The following VTA1 variants were observed in gnomAD, a reference collection of about 807,000 sequenced individuals.
The protein encoded by VTA1 is vesicle trafficking 1.
In VTA1, 24 loss-of-function variants were observed where a neutral mutation model predicts 36.9. The observed-to-expected ratio is 0.65, with a 90% CI of 0.47 to 0.91. The LOEUF (loss-of-function observed/expected upper bound fraction) is 0.91, where lower values mean the gene tolerates loss of function less well. Among genes scored for constraint, VTA1 ranks in the 40% least tolerant of loss-of-function variants. The pLI is 0.00. For synonymous variants in VTA1, 142 were observed against 130.2 expected, an observed-to-expected ratio of 1.09 and a Z score of -0.62; for missense variants, 393 against 377.2, an observed-to-expected ratio of 1.04 and a Z score of -0.35.
chr6:142,209,613 C>CA (rs1301415571), intron 7 of VTA1, among the ~76,000 whole-genome samples: 1 of 137,446 alleles, frequency 7.3e-6, no homozygotes, highest in Non-Finnish European at 1.6e-5. Flanking sequence ...AAATGTAATA[C>CA]AAAAAATACA....
chr6:142,164,139 A>G (rs139054567), intron 1 of VTA1, among the ~76,000 whole-genome samples: 14 of 152,284 alleles, frequency 9.2e-5, no homozygotes, highest in African/African-American at 3.4e-4. Flanking sequence ...AAGAGAAAAG[A>G]TACCTAATAT....
chr6:142,185,078 C>T (rs1775313704), intron 4 of VTA1, among the ~76,000 whole-genome samples: 1 of 152,032 alleles, frequency 6.6e-6, no homozygotes, highest in African/African-American at 2.4e-5. Context: ...TTATTGCTTC[C>T]ATTTTTTCAC....
At position 142,220,852 on chromosome 6, in the gene VTA1, C is replaced by T. The variant is rs976441504; in HGVS notation, c.*2209C>T. 3 of 151,846 alleles carry T rather than the reference C, an allele frequency of 2.0e-5. No homozygotes were observed. Among genetic ancestry groups the T allele is most frequent in the Non-Finnish European group, 4.4e-5 (3 of 67,986 alleles). The allele number at this position is 151,846 out of a possible 1,614,324, so 9.4% of individuals were successfully genotyped here. A position where few individuals can be genotyped will look rare whatever the true frequency, so the allele number is the denominator to read the frequency against. On this transcript the variant is annotated 3_prime_UTR_variant, in exon 8 of 8. Transcript: ENST00000367630. ...TGGCTACTATATGCCTGGTATTGTT[C>T]TTTGAAAGCAGAAACAGCAGGAAAA... is the stretch of plus-strand genomic sequence containing the variant.
chr6:142,163,402 A>T (rs1348644489), intron 1 of VTA1, among the ~76,000 whole-genome samples: 1 of 152,166 alleles, frequency 6.6e-6, no homozygotes, highest in Non-Finnish European at 1.5e-5. Context: ...TGGGAATATA[A>T]TATTAGTCTT....
chr6:142,148,993 A>G (rs1391289275), intron 1 of VTA1, among the ~76,000 whole-genome samples: 1 of 152,190 alleles, frequency 6.6e-6, no homozygotes, highest in Non-Finnish European at 1.5e-5. Context: ...TCCCTGTATC[A>G]TGTATCTTTG....
intron 2 of VTA1, among the ~76,000 whole-genome samples, chr6:142,168,811 G>T (rs925092672): frequency 1.3e-5 from 2 of 149,956 alleles, no homozygotes; most frequent in African/African-American, 4.9e-5. Context: ...CATTCGCCCA[G>T]GCTGGAGTGC....
chr6:142,186,399 T>A (rs1343213998), intron 4 of VTA1, among the ~76,000 whole-genome samples: 2 of 152,068 alleles, frequency 1.3e-5, no homozygotes, highest in East Asian at 3.9e-4. Context: ...TTTAGAAAGA[T>A]CACTGTACTC....
chr6:142,192,665 A>G (rs1218961100), intron 5 of VTA1, among the ~76,000 whole-genome samples: 2 of 150,558 alleles, frequency 1.3e-5, no homozygotes, highest in Non-Finnish European at 3.0e-5. Flanking sequence ...CCCCTACCAC[A>G]CATAAAAAAC....
At chr6:142,185,739 A>G (rs1275432621) in intron 4 of VTA1, among the ~76,000 whole-genome samples, 4 of 152,366 alleles carry the variant, frequency 2.6e-5, no homozygotes, top group Non-Finnish European at 4.4e-5. Flanking sequence ...AAGTCATTCT[A>G]TCTAACTGTA....
rs1385858372 is a variant in VTA1 at position 142,224,629 on chromosome 6, T to C, written c.*5986T>C. The C allele has an allele frequency of 1.3e-5, 2 of 152,154 alleles. No homozygotes were observed. The highest frequency in any genetic ancestry group is 2.9e-5 in the Non-Finnish European group (2 of 68,030). 9.4% of individuals were successfully genotyped at this position (152,154 alleles called of 1,614,324 possible). On this transcript the variant is annotated 3_prime_UTR_variant, in exon 8 of 8. Transcript: ENST00000367630. ...GTATTCTGACCTGGTGAAATAAATA[T>C]ACGAATGGGCAAAAAAATATATACT...
chr6:142,158,842 G>T (rs927908746), intron 1 of VTA1, among the ~76,000 whole-genome samples: 1 of 151,752 alleles, frequency 6.6e-6, no homozygotes, highest in Non-Finnish European at 1.5e-5. Flanking sequence ...ATAGTCTACT[G>T]TCTCATAATA....
intron 5 of VTA1, 147 bp downstream of exon 5, chr6:142,189,681 G>A (rs1775414211): frequency 6.7e-6 from 4 of 594,410 alleles, no homozygotes; most frequent in Non-Finnish European, 1.1e-5. Context: ...ATAAACTTAG[G>A]GACAGTGAGA....
intron 7 of VTA1, among the ~76,000 whole-genome samples, chr6:142,211,764 G>T (rs1360521073): frequency 6.6e-6 from 1 of 151,088 alleles, no homozygotes; most frequent in Non-Finnish European, 1.5e-5. Flanking sequence ...AGAAAACATT[G>T]CAAAAGGCTT....
chr6:142,222,078 T>A lies in VTA1; in HGVS notation c.*3435T>A, dbSNP rs1157003357. 1 of 152,104 alleles carries A rather than the reference T, an allele frequency of 6.6e-6. No homozygotes were observed. The highest frequency in any genetic ancestry group is 1.5e-5 in the Non-Finnish European group (1 of 68,022). 9.4% of individuals were successfully genotyped at this position (152,104 alleles called of 1,614,324 possible). ...GGATTGGTTTCTGGCGGCTTTTTTT[T>A]AGGTAGAGCCACAGGATTTCTGTAA... On this transcript the variant is annotated 3_prime_UTR_variant, in exon 8 of 8. Transcript: ENST00000367630.
chr6:142,198,278 A>G (rs1775606776), intron 5 of VTA1, among the ~76,000 whole-genome samples, 161 bp from the exon 6 acceptor site: 3 of 152,110 alleles, frequency 2.0e-5, no homozygotes, highest in African/African-American at 7.2e-5. Context: ...AGAAAATAAA[A>G]AAATTAAAAA....
At chr6:142,207,401 T>G (rs1228623417) in intron 7 of VTA1, among the ~76,000 whole-genome samples, 1 of 151,986 alleles carries the variant, frequency 6.6e-6, no homozygotes, top group Non-Finnish European at 1.5e-5. Flanking sequence ...CCCAGAAACT[T>G]CACTGTGCAA....
chr6:142,177,602 G>T (rs1775150547), intron 4 of VTA1, among the ~76,000 whole-genome samples: 1 of 152,020 alleles, frequency 6.6e-6, no homozygotes, highest in Non-Finnish European at 1.5e-5. Flanking sequence ...TTTTCAGAAA[G>T]GAGATCAGAG....
chr6:142,158,959 A>G (rs1774715724), intron 1 of VTA1, among the ~76,000 whole-genome samples: 1 of 152,070 alleles, frequency 6.6e-6, no homozygotes, highest in Admixed American at 6.5e-5. Context: ...AACCTTATAT[A>G]TTTTTTAACT....
At chr6:142,204,742 T>C (rs907395690) in intron 7 of VTA1, among the ~76,000 whole-genome samples, 1 of 151,682 alleles carries the variant, frequency 6.6e-6, no homozygotes, top group Non-Finnish European at 1.5e-5. Flanking sequence ...GTGAAGACCT[T>C]TTTTGTTTTG....
Sources: gnomAD v4.1 joint callset for allele counts (sites outside exome capture counted in the v4.1 genomes callset) on GRCh38, gnomAD v4.1.1 for gene constraint, MANE v1.5 for transcripts, NCBI Gene and HGNC (gene_info 2026-07-23, HGNC 2026-07-21) for gene names.